ITPR1: variants seen among roughly 807,000 people sequenced by gnomAD.
ITPR1 encodes the protein inositol 1,4,5-trisphosphate receptor type 1.
In ITPR1, 96 loss-of-function variants were observed where a neutral mutation model predicts 318.4. That is an observed-to-expected ratio of 0.30 (90% CI 0.26 to 0.36). The LOEUF is 0.36. Among genes scored for constraint, ITPR1 ranks in the 10% least tolerant of loss-of-function variants. The pLI is 1.00. For synonymous variants in ITPR1, 1,312 were observed against 1,289.9 expected (o/e 1.02, Z -0.37); for missense variants, 2,440 against 3,460.2 (o/e 0.71, Z 7.40).
At chr3:4,733,753 G>A (rs2043090618) in intron 43 of ITPR1, among the ~76,000 whole-genome samples, 1 of 152,140 alleles carries the variant, frequency 6.6e-6, no homozygotes, top group Non-Finnish European at 1.5e-5. Flanking sequence ...TTTCAGCCTG[G>A]TATATCTAAT....
At chr3:4,788,667 G>A (rs548225502) in intron 52 of ITPR1, among the ~76,000 whole-genome samples, 5 of 152,244 alleles carry the variant, frequency 3.3e-5, no homozygotes, top group African/African-American at 4.8e-5. Flanking sequence ...ATCCCAGCCA[G>A]TCAGGTGGAA....
intron 52 of ITPR1, among the ~76,000 whole-genome samples, chr3:4,792,106 T>A (rs1559904581): frequency 6.6e-6 from 1 of 152,158 alleles, no homozygotes; most frequent in Non-Finnish European, 1.5e-5. Flanking sequence ...GCAGCATTGT[T>A]CAGTAGAGCA....
At chr3:4,708,088 C>T (rs1301470136) in intron 37 of ITPR1, among the ~76,000 whole-genome samples, 1 of 151,990 alleles carries the variant, frequency 6.6e-6, no homozygotes, top group Non-Finnish European at 1.5e-5. Flanking sequence ...GGATGAGGGT[C>T]AAGGAAGACC....
chr3:4,695,667 G>A (rs1400668323), intron 33 of ITPR1, among the ~76,000 whole-genome samples: 1 of 152,150 alleles, frequency 6.6e-6, no homozygotes, highest in Non-Finnish European at 1.5e-5. Context: ...TGAGGTTTTG[G>A]ACTTCTTCTG....
chr3:4,578,566 G>A (rs1045121838), intron 4 of ITPR1, among the ~76,000 whole-genome samples: 4 of 152,068 alleles, frequency 2.6e-5, no homozygotes, highest in African/African-American at 9.7e-5. Context: ...CAGCCAGAAG[G>A]GGCTTTAGTG....
chr3:4,819,733 C>T (rs1433053898), intron 60 of ITPR1, among the ~76,000 whole-genome samples: 5 of 151,894 alleles, frequency 3.3e-5, no homozygotes, highest in Admixed American at 1.3e-4. Flanking sequence ...TGGAGGTTCA[C>T]GGCAGAGGTA....
At chr3:4,698,474 A>G (rs2094593575) in intron 34 of ITPR1, among the ~76,000 whole-genome samples, 1 of 152,148 alleles carries the variant, frequency 6.6e-6, no homozygotes, top group Non-Finnish European at 1.5e-5. Flanking sequence ...TGTTTAAATC[A>G]GTGCTCTGTG....
In ITPR1 at chr3:4,669,759, C is replaced by A. The variant is rs769611443; in HGVS notation, c.1992C>A (p.Ile664=). The A allele has an allele frequency of 5.6e-6, 9 of 1,611,288 alleles. No individual in the cohort carries two copies. Among genetic ancestry groups the A allele is most frequent in the Admixed American group, 1.7e-5 (1 of 59,886 alleles). The stretch of plus-strand genomic sequence containing the variant: ...TGCTGAACCCCACCAACGCTGACAT[C>A]CTGATTGAGACCAAGTGAGTGGGGA... ...KAVLNPTNAD[I]LIETKLVLSR... The change falls in exon 19 of 62, where the codon ATC becomes ATA. Residue 664 remains isoleucine, a synonymous_variant. Coordinates refer to ENST00000649015, the MANE Select transcript of ITPR1 (RefSeq NM_001378452.1).
chr3:4,554,308 A>G (rs1474041409), intron 4 of ITPR1, among the ~76,000 whole-genome samples: 1 of 152,218 alleles, frequency 6.6e-6, no homozygotes, highest in Admixed American at 6.5e-5. Flanking sequence ...AGAAATGAGT[A>G]CAGTGTTTGG....
intron 2 of ITPR1, among the ~76,000 whole-genome samples, chr3:4,495,558 G>A (rs930779376): frequency 1.3e-5 from 2 of 152,108 alleles, no homozygotes; most frequent in Admixed American, 6.6e-5. Flanking sequence ...CCAAGGATTA[G>A]GCCCAGTTCC....
chr3:4,688,705 TGGCTTCTGG>T (rs1415887873), intron 31 of ITPR1, 85 bp downstream of exon 31: 7 of 1,374,296 alleles, frequency 5.1e-6, no homozygotes. Flanking sequence ...TTGGCTGTTG[TGGCTTCTGG>T]GGCTTGTTAT....
chr3:4,836,411 T>G (rs1445107174), intron 60 of ITPR1, among the ~76,000 whole-genome samples: 3 of 152,188 alleles, frequency 2.0e-5, no homozygotes, highest in Admixed American at 1.3e-4. Context: ...AAATTTTATG[T>G]TATGCATATT....
At chr3:4,730,458 T>C (rs943205689) in intron 42 of ITPR1, among the ~76,000 whole-genome samples, 18 of 150,930 alleles carry the variant, frequency 1.2e-4, no homozygotes, top group East Asian at 1.9e-4. Flanking sequence ...TATTCTCTTA[T>C]GGGGGAAAAT....
In ITPR1 at chr3:4,676,623, T is replaced by C; in HGVS notation, c.2789T>C (p.Val930Ala). Residue 930 changes from valine to alanine, a missense_variant, in exon 24 of 62, where the codon GTG becomes GCG. Physicochemically the swap from Val to Ala is moderately conservative, Grantham distance 64 (BLOSUM62 0). Around this residue, in one of 23 missense-constraint regions of ITPR1, gnomAD observed 478 missense variants for 696.3 expected, o/e 0.69. Coordinates refer to ENST00000649015, the MANE Select transcript of ITPR1 (RefSeq NM_001378452.1). ...NDVEKLKSSN[V>A]MRSIHGVGEL... ...TCCTGGCCTTTCCTAGGCAGTAACG[T>C]GATGAGATCTATTCATGGCGTGGGA... is the stretch of plus-strand genomic sequence containing the variant. 6.2e-7 allele frequency: 1 copy of C among 1,613,524 alleles called. No homozygotes were observed. Among genetic ancestry groups the C allele is most frequent in the East Asian group, 2.2e-5 (1 of 44,866 alleles).
chr3:4,631,510 A>G (rs746823163), intron 5 of ITPR1, among the ~76,000 whole-genome samples: 23 of 152,110 alleles, frequency 1.5e-4, no homozygotes, highest in Non-Finnish European at 3.2e-4. Flanking sequence ...AATCTCTTTT[A>G]AAGAATTTTA....
chr3:4,768,753 C>T lies in ITPR1; in HGVS notation c.5968C>T (p.Arg1990Ter). Residue 1990 changes from arginine (R) to a stop codon, truncating the protein, a stop_gained, in exon 46 of 62, where the codon CGA becomes TGA. Transcript: ENST00000649015. LOFTEE classifies it high-confidence loss of function. ...TCAGCTCCTGTGTGAAAACCACAAC[C>T]GAGACCTGCAGGTGAGGGCCTGGGG... ...FLQLLCENHN[R>*]DLQNFLRCQN... 2.5e-6 allele frequency: 4 copies of T among 1,611,428 alleles called. No homozygotes were observed. Among genetic ancestry groups the T allele is most frequent in the Admixed American group, 1.7e-5 (1 of 59,992 alleles).
Position 4,818,167 on chromosome 3 carries a change from C to T in ITPR1, c.7953C>T (p.Cys2651=), listed in dbSNP as rs774135923. Reference sequence around the variant, plus strand: ...AACACAACATGTGGCACTATCTGTGCTTCATCGTCCTGGTGAAAGTAAAGG... The same window carrying T: ...AACACAACATGTGGCACTATCTGTGTTTCATCGTCCTGGTGAAAGTAAAGG... ...KEEHNMWHYL[C]FIVLVKVKDS... is the part of the protein sequence containing the mutation. Residue 2651 remains cysteine (C), a synonymous_variant, in exon 60 of 62, where the codon TGC becomes TGT. Coordinates refer to ENST00000649015, the MANE Select transcript of ITPR1 (RefSeq NM_001378452.1). The T allele has an allele frequency of 6.2e-7, 1 of 1,606,408 alleles. No individual in the cohort carries two copies. The highest frequency in any genetic ancestry group is 8.5e-7 in the Non-Finnish European group (1 of 1,173,778).
At chr3:4,651,641 G>A (rs2093602048) in intron 10 of ITPR1, among the ~76,000 whole-genome samples, 1 of 152,194 alleles carries the variant, frequency 6.6e-6, no homozygotes, top group African/African-American at 2.4e-5. Flanking sequence ...AACTACCACT[G>A]CTAGTTAACT....
Position 4,806,005 on chromosome 3 carries a change from A to G in ITPR1, c.7108-98A>G. ...TGGAAAAGGAAGCGTTTGTTTGGGC[A>G]CGGTGACTGAAATACATTTGTGTGA... On this transcript the variant is annotated intron_variant, in intron 54 of 61. Transcript: ENST00000649015. 9 of 1,048,812 alleles carry G rather than the reference A, an allele frequency of 8.6e-6. No homozygotes were observed. In the South Asian group the frequency reaches 1.4e-4, roughly 16 times the overall value. 65.0% of individuals were successfully genotyped at this position (1,048,812 alleles called of 1,614,324 possible).
Sources: allele counts gnomAD v4.1 joint callset (sites outside exome capture counted in the v4.1 genomes callset), GRCh38; gene constraint gnomAD v4.1.1; regional missense constraint gnomAD v4.1.1; transcripts MANE v1.5; gene names NCBI Gene and HGNC (gene_info 2026-07-23, HGNC 2026-07-21).